The following PLB1 variants were observed in gnomAD, a reference collection of about 807,000 sequenced individuals.
PLB1 encodes the protein phospholipase B1, membrane-associated.
PLB1 carries 242 observed loss-of-function variants against 227.4 expected under a neutral mutation model. The observed-to-expected ratio is 1.06, with a 90% CI of 0.96 to 1.18. The LOEUF (loss-of-function observed/expected upper bound fraction) is 1.18, where lower values mean the gene tolerates loss of function less well. PLB1 is among the 50% of genes most tolerant of loss of function. PLB1 has a pLI of 0.00. For synonymous variants in PLB1, 757 were observed against 682.2 expected (o/e 1.11, Z -1.71); for missense variants, 1,858 against 1,816.3 (o/e 1.02, Z -0.42).
chr2:28,608,696 C>G (rs1386790836), intron 43 of PLB1, among the ~76,000 whole-genome samples: 2 of 152,188 alleles, frequency 1.3e-5, no homozygotes, highest in Non-Finnish European at 2.9e-5. Flanking sequence ...ACACCTGGTC[C>G]TTTTCTTAGG....
chr2:28,543,308 G>C, intron 14 of PLB1, 40 bp downstream of exon 14: 2 of 1,593,856 alleles, frequency 1.3e-6, no homozygotes, highest in Non-Finnish European at 1.7e-6. Context: ...ACAGAGGAGG[G>C]GCAAGGTCTC....
intron 35 of PLB1, 58 bp from the exon 36 acceptor site, chr2:28,600,750 AG>A: frequency 5.8e-6 from 9 of 1,547,728 alleles, no homozygotes; most frequent in Non-Finnish European, 8.0e-6. Flanking sequence ...CAGGCCCTCT[AG>A]GAGGAAAACT....
At chr2:28,566,648 C>T in intron 19 of PLB1, 148 bp from the exon 20 acceptor site, 4 of 820,584 alleles carry the variant, frequency 4.9e-6, no homozygotes, top group Non-Finnish European at 6.1e-6. Flanking sequence ...TTGCTTTTTC[C>T]GTTTTTCTAC....
At chr2:28,541,563 AAGAGGGAGCTTC>A in intron 12 of PLB1, 132 bp from the exon 13 acceptor site, 3 of 622,144 alleles carry the variant, frequency 4.8e-6, no homozygotes, top group Non-Finnish European at 8.5e-6. Context: ...AGGGTGAGAC[AAGAGGGAGCTTC>A]AGAATAGCAC....
chr2:28,513,590 TA>T (rs1421200597), intron 1 of PLB1, among the ~76,000 whole-genome samples: 2 of 152,244 alleles, frequency 1.3e-5, no homozygotes, highest in Admixed American at 1.3e-4. Flanking sequence ...TCTCTGTACT[TA>T]TTTTCTCTTT....
At chr2:28,577,028 G>GT (rs2148262137) in intron 21 of PLB1, among the ~76,000 whole-genome samples, 1 of 152,284 alleles carries the variant, frequency 6.6e-6, no homozygotes, top group Admixed American at 6.5e-5. Context: ...TAATTCAGTG[G>GT]TTGCATACTA....
chr2:28,633,150 C>T (rs1046243747), intron 56 of PLB1, 111 bp downstream of exon 56: 15 of 882,910 alleles, frequency 1.7e-5, no homozygotes, highest in Non-Finnish European at 1.8e-6. Flanking sequence ...TCCCCAAAGC[C>T]CAAAGTGGCA....
intron 26 of PLB1, among the ~76,000 whole-genome samples, chr2:28,589,221 T>C (rs371061098): frequency 6.6e-6 from 1 of 152,050 alleles, no homozygotes; most frequent in Non-Finnish European, 1.5e-5. Context: ...TTTCACAGAC[T>C]AGCTCAAATA....
intron 20 of PLB1, among the ~76,000 whole-genome samples, chr2:28,571,710 A>G (rs2148253169): frequency 6.6e-6 from 1 of 152,324 alleles, no homozygotes; most frequent in African/African-American, 2.4e-5. Context: ...TCTTTTCAAT[A>G]AACTGTGCTG....
intron 20 of PLB1, among the ~76,000 whole-genome samples, chr2:28,570,889 A>G (rs1195541216): frequency 6.6e-6 from 1 of 152,218 alleles, no homozygotes; most frequent in East Asian, 1.9e-4. Flanking sequence ...ACCATAGGCA[A>G]TGGTGACAGA....
chr2:28,571,994 T>G (rs1250050032), intron 20 of PLB1, among the ~76,000 whole-genome samples: 1 of 151,674 alleles, frequency 6.6e-6, no homozygotes, highest in Non-Finnish European at 1.5e-5. Context: ...GCCCAAAGAG[T>G]GGAAGAAAAC....
At position 28,602,810 on chromosome 2, in the gene PLB1, T is replaced by A. The variant is rs771685150; in HGVS notation, c.2674-11T>A. 1 of 1,612,896 alleles carries A rather than the reference T, an allele frequency of 6.2e-7. No homozygotes were observed. Among genetic ancestry groups the A allele is most frequent in the Non-Finnish European group, 8.5e-7 (1 of 1,178,976 alleles). Reference sequence around the variant, plus strand: ...CTGGAGCCCCCCTCTCATCTGCAGCTTTTCCCTTAGGTGCCCAGAGTCCTG... The same window carrying A: ...CTGGAGCCCCCCTCTCATCTGCAGCATTTCCCTTAGGTGCCCAGAGTCCTG... On this transcript the variant is annotated splice_polypyrimidine_tract_variant and intron_variant, in intron 38 of 57. Coordinates refer to ENST00000327757, the MANE Select transcript of PLB1 (RefSeq NM_153021.5).
intron 1 of PLB1, among the ~76,000 whole-genome samples, chr2:28,501,061 T>C (rs972472555): frequency 6.6e-6 from 1 of 152,262 alleles, no homozygotes; most frequent in Admixed American, 6.5e-5. Context: ...TTGTTGATGC[T>C]GAAGTGTTAT....
At chr2:28,546,098 C>T (rs751778675) in intron 14 of PLB1, among the ~76,000 whole-genome samples, 71 of 152,194 alleles carry the variant, frequency 4.7e-4, no homozygotes, top group Non-Finnish European at 8.8e-4. Flanking sequence ...GCAGCCCCAT[C>T]TAAACATGCC....
At chr2:28,497,038 C>T (rs1216636538) in intron 1 of PLB1, among the ~76,000 whole-genome samples, 1 of 152,204 alleles carries the variant, frequency 6.6e-6, no homozygotes, top group African/African-American at 2.4e-5. Context: ...AATGACGATG[C>T]TTGCTATGCC....
chr2:28,581,171 C>G (rs1437144432), intron 23 of PLB1, among the ~76,000 whole-genome samples: 1 of 151,870 alleles, frequency 6.6e-6, no homozygotes, highest in African/African-American at 2.4e-5. Context: ...CCGCAAATAT[C>G]GAGATCAGGA....
At chr2:28,501,307 T>C (rs1179534841) in intron 1 of PLB1, among the ~76,000 whole-genome samples, 4 of 152,352 alleles carry the variant, frequency 2.6e-5, no homozygotes, top group South Asian at 2.1e-4. Context: ...GGAATTGCTA[T>C]GACAACACCA....
chr2:28,547,903 C>T (rs1673549896), intron 14 of PLB1, among the ~76,000 whole-genome samples: 1 of 152,128 alleles, frequency 6.6e-6, no homozygotes, highest in Non-Finnish European at 1.5e-5. Flanking sequence ...CTTCACTTCC[C>T]TATGTCTAAT....
At chr2:28,525,148 G>A in intron 4 of PLB1, 119 bp from the exon 5 acceptor site, 1 of 882,390 alleles carries the variant, frequency 1.1e-6, no homozygotes, top group South Asian at 1.5e-5. Context: ...ACCAAGCCTG[G>A]GCTTGTAGGT....
Sources: allele counts gnomAD v4.1 joint callset (sites outside exome capture counted in the v4.1 genomes callset), GRCh38; gene constraint gnomAD v4.1.1; transcripts MANE v1.5; gene names NCBI Gene and HGNC (gene_info 2026-07-23, HGNC 2026-07-21).